TAFA2: variants seen among roughly 807,000 people sequenced by gnomAD.
The protein encoded by TAFA2 is TAFA chemokine like family member 2, also known as chemokine-like protein TAFA-2.
In TAFA2, 7 loss-of-function variants were observed where a neutral mutation model predicts 18.8. That is an observed-to-expected ratio of 0.37 (90% CI 0.21 to 0.70). The LOEUF is 0.70. Ranked by LOEUF, TAFA2 falls within the 30% of genes least tolerant of loss-of-function variation. The probability of loss-of-function intolerance (pLI) is 0.53; values close to 1 mark genes in which losing one functional copy is unlikely to be tolerated. For synonymous variants in TAFA2, 60 were observed against 54.2 expected, an observed-to-expected ratio of 1.11 and a Z score of -0.47; for missense variants, 122 against 158.1, an observed-to-expected ratio of 0.77 and a Z score of 1.23.
chr12:62,118,963 C>T (rs991781012), intron 1 of TAFA2, among the ~76,000 whole-genome samples: 9 of 151,996 alleles, frequency 5.9e-5, no homozygotes, highest in Non-Finnish European at 1.3e-4. Flanking sequence ...TATGTCTTTT[C>T]TTTTATAGTT....
At chr12:62,184,911 T>C (rs1173974426) in intron 1 of TAFA2, among the ~76,000 whole-genome samples, 1 of 152,176 alleles carries the variant, frequency 6.6e-6, no homozygotes, top group African/African-American at 2.4e-5. Flanking sequence ...TGGTTATTTA[T>C]TGTTAGAGCT....
intron 2 of TAFA2, among the ~76,000 whole-genome samples, chr12:61,852,594 T>G (rs1873720697): frequency 6.6e-6 from 1 of 152,178 alleles, no homozygotes; most frequent in Non-Finnish European, 1.5e-5. Flanking sequence ...ATGCACATGT[T>G]TGGTGCCTGT....
chr12:62,139,237 TAGTC>T (rs777363590), intron 1 of TAFA2, among the ~76,000 whole-genome samples: 21 of 152,176 alleles, frequency 1.4e-4, no homozygotes, highest in Non-Finnish European at 2.5e-4. Flanking sequence ...GTCAGCAAGA[TAGTC>T]AGTATTATAA....
chr12:61,759,594 G>C (rs1187832743), intron 2 of TAFA2, among the ~76,000 whole-genome samples: 1 of 151,870 alleles, frequency 6.6e-6, no homozygotes, highest in Non-Finnish European at 1.5e-5. Context: ...CTAAAATTAG[G>C]ATGTTCTTTG....
intron 1 of TAFA2, among the ~76,000 whole-genome samples, chr12:62,039,631 T>C (rs1881705537): frequency 6.6e-6 from 1 of 152,152 alleles, no homozygotes; most frequent in African/African-American, 2.4e-5. Flanking sequence ...AATGCTGCCT[T>C]TGTCATAAGT....
intron 1 of TAFA2, among the ~76,000 whole-genome samples, chr12:62,129,473 A>C (rs901740914): frequency 1.3e-5 from 2 of 152,020 alleles, no homozygotes; most frequent in East Asian, 3.9e-4. Context: ...CCATCTGGCA[A>C]TCAGGAATCT....
intron 1 of TAFA2, among the ~76,000 whole-genome samples, chr12:62,085,320 G>A (rs1375696394): frequency 6.6e-6 from 1 of 151,982 alleles, no homozygotes; most frequent in Non-Finnish European, 1.5e-5. Flanking sequence ...TTATATTTGT[G>A]TTATGTTATG....
intron 1 of TAFA2, among the ~76,000 whole-genome samples, chr12:61,958,667 T>C (rs1303595481): frequency 6.6e-6 from 1 of 152,040 alleles, no homozygotes; most frequent in Non-Finnish European, 1.5e-5. Flanking sequence ...TTTGTCTGTG[T>C]CTTGCCAACT....
At chr12:62,090,248 A>G (rs1695031366) in intron 1 of TAFA2, among the ~76,000 whole-genome samples, 1 of 152,088 alleles carries the variant, frequency 6.6e-6, no homozygotes, top group Admixed American at 6.6e-5. Flanking sequence ...ATTTCAATTA[A>G]TGGACTGAAT....
intron 2 of TAFA2, among the ~76,000 whole-genome samples, chr12:61,779,905 T>A (rs73324050): frequency 0.018 from 2,685 of 151,770 alleles, 77 homozygotes; most frequent in African/African-American, 0.06. Context: ...TAAATATTAA[T>A]CCCCAATATA....
At chr12:62,024,633 GC>G in intron 1 of TAFA2, among the ~76,000 whole-genome samples, 1 of 152,136 alleles carries the variant, frequency 6.6e-6, no homozygotes, top group East Asian at 1.9e-4. Context: ...AAGCTAAAGA[GC>G]TTCTGCACAG....
intron 1 of TAFA2, among the ~76,000 whole-genome samples, chr12:62,049,387 T>C (rs1490724966): frequency 6.6e-6 from 1 of 152,106 alleles, no homozygotes; most frequent in East Asian, 1.9e-4. Flanking sequence ...CAAAGAAACA[T>C]TAGCAGACAA....
chr12:61,815,272 A>G (rs1240604671), intron 2 of TAFA2, among the ~76,000 whole-genome samples: 1 of 151,488 alleles, frequency 6.6e-6, no homozygotes, highest in Non-Finnish European at 1.5e-5. Context: ...TAGATTGTAG[A>G]GTAAACCAGT....
At chr12:61,895,379 C>T (rs961065376) in intron 1 of TAFA2, among the ~76,000 whole-genome samples, 12 of 152,086 alleles carry the variant, frequency 7.9e-5, no homozygotes, top group Non-Finnish European at 1.8e-4. Flanking sequence ...CATCCTTTCA[C>T]CACCCATAAA....
chr12:62,184,625 A>G (rs1025509699), intron 1 of TAFA2, among the ~76,000 whole-genome samples: 5 of 149,756 alleles, frequency 3.3e-5, no homozygotes, highest in Admixed American at 6.7e-5. Flanking sequence ...CCTCTCAAGT[A>G]GCTGGGACTA....
At chr12:62,105,173 T>C (rs931842477) in intron 1 of TAFA2, among the ~76,000 whole-genome samples, 1 of 152,096 alleles carries the variant, frequency 6.6e-6, no homozygotes, top group East Asian at 1.9e-4. Flanking sequence ...TTACAGAAGA[T>C]ATGTGACTGC....
chr12:62,185,685 G>C (rs2062581464), intron 1 of TAFA2, among the ~76,000 whole-genome samples: 1 of 152,168 alleles, frequency 6.6e-6, no homozygotes, highest in African/African-American at 2.4e-5. Flanking sequence ...CTATAAGCTA[G>C]TAATGATAAA....
At chr12:62,146,493 G>A (rs915803947) in intron 1 of TAFA2, among the ~76,000 whole-genome samples, 5 of 151,982 alleles carry the variant, frequency 3.3e-5, no homozygotes, top group Non-Finnish European at 5.9e-5. Context: ...TGTTGCCTAG[G>A]CTGCCACTTC....
At chr12:62,053,778 G>A (rs1882117100) in intron 1 of TAFA2, among the ~76,000 whole-genome samples, 1 of 152,184 alleles carries the variant, frequency 6.6e-6, no homozygotes, top group Admixed American at 6.5e-5. Context: ...GACTGGGCAA[G>A]TTATTTAACC....
Sources: gnomAD v4.1 joint callset for allele counts (sites outside exome capture counted in the v4.1 genomes callset) on GRCh38, gnomAD v4.1.1 for gene constraint, MANE v1.5 for transcripts, NCBI Gene and HGNC (gene_info 2026-07-23, HGNC 2026-07-21) for gene names.